Variants in SUGCT observed in about 807,000 individuals in gnomAD.
SUGCT encodes the protein succinyl-CoA:glutarate-CoA transferase.
SUGCT carries 41 observed loss-of-function variants against 55.0 expected under a neutral mutation model. The observed-to-expected ratio is 0.74, with a 90% confidence interval of 0.58 to 0.97. SUGCT has a LOEUF of 0.97. SUGCT is among the 50% of genes least tolerant of loss of function. The pLI, the probability that SUGCT is intolerant of heterozygous loss-of-function variation, is 0.00. For missense variants in SUGCT, 568 were observed against 547.8 expected (o/e 1.04, Z -0.37); for synonymous variants, 187 against 200.4 (o/e 0.93, Z 0.56).
In SUGCT at chr7:40,272,263, A is replaced by T. The variant is rs73318549; in HGVS notation, c.577-2250A>T. Among the ~76,000 whole-genome samples, 896 of 141,094 alleles carry T rather than the reference A, an allele frequency of 6.4e-3. 9 individuals carry two copies. The highest frequency in any genetic ancestry group is 0.022 in the African/African-American group (847 of 38,146). The allele number at this position is 141,094 out of a possible 152,430, so 92.6% of individuals were successfully genotyped here. ...TCATAGCTCATTCCAGCCTGGATGGAACTCCTGCACTCAAGTGATCTTTGC... is the reference window on the plus strand; with the variant it reads ...TCATAGCTCATTCCAGCCTGGATGGTACTCCTGCACTCAAGTGATCTTTGC... On this transcript the variant is annotated intron_variant, in intron 7 of 13. Transcript: ENST00000335693.
At chr7:40,303,628 C>T (rs912265464) in intron 8 of SUGCT, among the ~76,000 whole-genome samples, 2 of 152,136 alleles carry the variant, frequency 1.3e-5, no homozygotes, top group African/African-American at 2.4e-5. Flanking sequence ...GGATTACAGG[C>T]GTCAGCCACC....
chr7:40,558,476 G>T (rs1364264148), intron 12 of SUGCT, among the ~76,000 whole-genome samples: 2 of 152,172 alleles, frequency 1.3e-5, no homozygotes, highest in African/African-American at 2.4e-5. Flanking sequence ...GATGAACTTT[G>T]AAACATTATG....
intron 12 of SUGCT, among the ~76,000 whole-genome samples, chr7:40,666,939 G>A (rs1801673157): frequency 6.6e-6 from 1 of 151,924 alleles, no homozygotes; most frequent in Admixed American, 6.6e-5. Context: ...ACCAGCCTTG[G>A]CAACATAGTG....
At chr7:40,790,676 G>A (rs780561552) in intron 13 of SUGCT, among the ~76,000 whole-genome samples, 44 of 152,072 alleles carry the variant, frequency 2.9e-4, no homozygotes, top group Admixed American at 7.2e-4. Context: ...AAGTCATCAC[G>A]TTTACTTATA....
intron 9 of SUGCT, among the ~76,000 whole-genome samples, chr7:40,394,673 C>T (rs1230628346): frequency 1.3e-5 from 2 of 152,204 alleles, no homozygotes; most frequent in South Asian, 2.1e-4. Context: ...CAGCATCTCC[C>T]CAGTGCTTCC....
intron 9 of SUGCT, among the ~76,000 whole-genome samples, chr7:40,407,003 G>A (rs897298935): frequency 3.3e-5 from 5 of 151,852 alleles, no homozygotes; most frequent in African/African-American, 7.3e-5. Flanking sequence ...AACAAGTTTC[G>A]AAATAAAGTC....
chr7:40,718,265 A>G (rs1446379836), intron 12 of SUGCT, among the ~76,000 whole-genome samples: 2 of 152,222 alleles, frequency 1.3e-5, no homozygotes, highest in Non-Finnish European at 2.9e-5. Flanking sequence ...ACCAAATCCA[A>G]CAAAATCTTG....
chr7:40,486,128 AC>A (rs1791330433), intron 11 of SUGCT, among the ~76,000 whole-genome samples: 1 of 152,066 alleles, frequency 6.6e-6, no homozygotes, highest in African/African-American at 2.4e-5. Context: ...CAGCTGTGAA[AC>A]CATCAGGTCC....
chr7:40,831,904 G>A (rs977005846), intron 13 of SUGCT, among the ~76,000 whole-genome samples: 1 of 152,170 alleles, frequency 6.6e-6, no homozygotes, highest in African/African-American at 2.4e-5. Context: ...CCTAGAGGGG[G>A]CTCCAGGGAC....
In SUGCT at chr7:40,621,629, A is replaced by G. The variant is rs908502933; in HGVS notation, c.1089+125243A>G. On this transcript the variant is annotated intron_variant, in intron 12 of 13. Transcript: ENST00000335693. ...ATGGAGCAGTTGGAGAAATCCGGTGATAAAAGGAAGAAGGGGGTGTTTCAG... is the reference window on the plus strand; with the variant it reads ...ATGGAGCAGTTGGAGAAATCCGGTGGTAAAAGGAAGAAGGGGGTGTTTCAG... Among the ~76,000 whole-genome samples, 14 of 152,190 alleles carry G rather than the reference A, an allele frequency of 9.2e-5. 1 individual carries two copies. Among genetic ancestry groups the G allele is most frequent in the Admixed American group, 9.2e-4 (14 of 15,286 alleles).
At chr7:40,510,603 A>C (rs750937867) in intron 12 of SUGCT, among the ~76,000 whole-genome samples, 1 of 152,194 alleles carries the variant, frequency 6.6e-6, no homozygotes, top group Non-Finnish European at 1.5e-5. Context: ...TAAGTAAGGA[A>C]GTTTTCACAA....
chr7:40,587,180 G>A (rs762857011), intron 12 of SUGCT, among the ~76,000 whole-genome samples: 6 of 152,170 alleles, frequency 3.9e-5, no homozygotes, highest in African/African-American at 9.7e-5. Flanking sequence ...CAGATTTTTT[G>A]GGGGACATGA....
the SUGCT span, among the ~76,000 whole-genome samples, chr7:41,033,544 T>C: frequency 6.6e-6 from 1 of 152,208 alleles, no homozygotes; most frequent in East Asian, 1.9e-4. Context: ...GTTTACAAAC[T>C]TCTGTTATGG....
chr7:41,027,291 C>T, the SUGCT span, among the ~76,000 whole-genome samples: 10 of 152,080 alleles, frequency 6.6e-5, no homozygotes, highest in Non-Finnish European at 1.0e-4. Flanking sequence ...GGATTGCTCT[C>T]GGTACCATTA....
chr7:40,400,497 C>A (rs2151320636), intron 9 of SUGCT, among the ~76,000 whole-genome samples: 1 of 152,188 alleles, frequency 6.6e-6, no homozygotes, highest in East Asian at 1.9e-4. Context: ...AATGGCTTTG[C>A]TGGATTGAGT....
intron 11 of SUGCT, among the ~76,000 whole-genome samples, chr7:40,495,274 C>T (rs553624671): frequency 1.3e-5 from 2 of 148,862 alleles, no homozygotes; most frequent in Non-Finnish European, 3.0e-5. Flanking sequence ...AATACATTTT[C>T]CTCTGGAGTC....
intron 12 of SUGCT, among the ~76,000 whole-genome samples, chr7:40,724,397 G>A (rs1786504576): frequency 6.9e-6 from 1 of 145,438 alleles, no homozygotes; most frequent in Non-Finnish European, 1.5e-5. Context: ...AACCCCTTCT[G>A]TACTAAAAAT....
the SUGCT span, chr7:40,966,646 A>T: frequency 6.6e-6 from 1 of 152,154 alleles, no homozygotes; most frequent in Non-Finnish European, 1.5e-5. Context: ...ACCTCATCAC[A>T]CCACTGGTCT....
At chr7:40,403,714 T>C (rs2151326354) in intron 9 of SUGCT, among the ~76,000 whole-genome samples, 1 of 152,338 alleles carries the variant, frequency 6.6e-6, no homozygotes, top group Non-Finnish European at 1.5e-5. Context: ...TGTGATTAGA[T>C]GATTCACAAC....
Sources: gnomAD v4.1 joint callset for allele counts (sites outside exome capture counted in the v4.1 genomes callset) on GRCh38, gnomAD v4.1.1 for gene constraint, MANE v1.5 for transcripts, NCBI Gene and HGNC (gene_info 2026-07-23, HGNC 2026-07-21) for gene names.